The following TAF1A variants were observed in gnomAD, a reference collection of about 807,000 sequenced individuals.
The protein encoded by TAF1A is TATA-box binding protein associated factor, RNA polymerase I subunit A.
Under a neutral mutation model 61.6 loss-of-function variants are expected in TAF1A, and 42 were observed. The observed-to-expected ratio is 0.68, with a 90% CI of 0.53 to 0.88. The LOEUF (loss-of-function observed/expected upper bound fraction) is 0.88. Ranked by LOEUF, TAF1A falls within the 40% of genes least tolerant of loss-of-function variation. The probability of loss-of-function intolerance (pLI) is 0.00; values close to 1 mark genes in which losing one functional copy is unlikely to be tolerated. For missense variants in TAF1A, 424 were observed against 518.7 expected, an observed-to-expected ratio of 0.82 and a Z score of 1.77; for synonymous variants, 179 against 177.7, an observed-to-expected ratio of 1.01 and a Z score of -0.06.
chr1:222,575,732 T>C (rs1660545185), intron 5 of TAF1A, among the ~76,000 whole-genome samples: 1 of 152,190 alleles, frequency 6.6e-6, no homozygotes, highest in East Asian at 1.9e-4. Flanking sequence ...TCTCGTTAAA[T>C]AGACACTTGA....
intron 9 of TAF1A, 85 bp downstream of exon 9, chr1:222,563,083 TAAGCA>T: frequency 2.4e-6 from 3 of 1,250,126 alleles, no homozygotes; most frequent in Non-Finnish European, 3.3e-6. Flanking sequence ...TTATAAAACA[TAAGCA>T]AAGATCTTTA....
Position 222,584,308 on chromosome 1 carries a change from G to A in TAF1A, c.122-11C>T, listed in dbSNP as rs199986557. 106 of 1,566,546 alleles carry A rather than the reference G, an allele frequency of 6.8e-5. No homozygotes were observed. The African/African-American group carries it at 1.2e-3, about 17-fold the overall frequency. Reference sequence around the variant, plus strand: ...TTTTCCCTCCAATGGCTATAAAAACGAAAAAGAAGAGAGTTTTTATCCAAG... The same window carrying A: ...TTTTCCCTCCAATGGCTATAAAAACAAAAAAGAAGAGAGTTTTTATCCAAG... On this transcript the variant is annotated splice_polypyrimidine_tract_variant and intron_variant, in intron 2 of 10. Transcript: ENST00000352967.
At chr1:222,557,309 G>C (rs901557067), downstream of TAF1A, among the ~76,000 whole-genome samples, 1 of 152,142 alleles carries the variant, frequency 6.6e-6, no homozygotes, top group African/African-American at 2.4e-5. Flanking sequence ...CATGTTCCAG[G>C]AAAGTTGCTG....
At chr1:222,559,745 C>T in intron 10 of TAF1A, among the ~76,000 whole-genome samples, 1 of 151,962 alleles carries the variant, frequency 6.6e-6, no homozygotes, top group Non-Finnish European at 1.5e-5. Flanking sequence ...CTCCTGGGCT[C>T]AAGTAATCCT....
At chr1:222,571,551 T>A (rs1236585601) in intron 5 of TAF1A, among the ~76,000 whole-genome samples, 7 of 151,934 alleles carry the variant, frequency 4.6e-5, no homozygotes, top group Non-Finnish European at 1.0e-4. Flanking sequence ...ACAAGATCAA[T>A]ACACAATAAT....
chr1:222,564,833 T>A (rs189803602), intron 7 of TAF1A, among the ~76,000 whole-genome samples: 394 of 152,324 alleles, frequency 2.6e-3, no homozygotes, highest in Non-Finnish European at 4.1e-3. Flanking sequence ...AAATTAAAAG[T>A]AAATTTTGTT....
At chr1:222,580,958 C>T (rs1038933275) in intron 3 of TAF1A, among the ~76,000 whole-genome samples, 2 of 152,052 alleles carry the variant, frequency 1.3e-5, no homozygotes, top group African/African-American at 4.8e-5. Context: ...TGAGACCATC[C>T]TGGCTAACAC....
rs1248099690 is a variant in TAF1A at position 222,563,265 on chromosome 1, C to T, written c.993G>A (p.Glu331=). ...CAAAATCTAAGACTCCAAATAATAC[C>T]TCCAACCCCAGTTTACGGTGTTCTT... ...EKEEHRKLGL[E]VLFGVLDFAG... The change falls in exon 9 of 11, where the codon GAG becomes GAA. Residue 331 remains glutamate, a synonymous_variant. Transcript: ENST00000352967. 1.2e-6 allele frequency: 2 copies of T among 1,612,988 alleles called. No homozygotes were observed. Among genetic ancestry groups the T allele is most frequent in the Non-Finnish European group, 1.7e-6 (2 of 1,179,562 alleles).
downstream of TAF1A, among the ~76,000 whole-genome samples, chr1:222,554,945 C>T (rs1292771460): frequency 6.6e-6 from 1 of 152,130 alleles, no homozygotes; most frequent in African/African-American, 2.4e-5. Context: ...AGAACTCATA[C>T]AACTCAATAA....
At chr1:222,569,080 G>C (rs777054044) in intron 7 of TAF1A, 2 of 236,208 alleles carry the variant, frequency 8.5e-6, no homozygotes, top group African/African-American at 2.3e-5. Context: ...GGCCATGGTT[G>C]TGGGGACAGA....
Position 222,577,475 on chromosome 1 carries a change from A to C in TAF1A, c.574T>G (p.Ser192Ala). 1.2e-6 allele frequency: 2 copies of C among 1,613,878 alleles called. No individual in the cohort carries two copies. Among genetic ancestry groups the C allele is most frequent in the Non-Finnish European group, 1.7e-6 (2 of 1,179,858 alleles). The change falls in exon 5 of 11, where the codon TCT becomes GCT. Residue 192 changes from serine to alanine, a missense_variant. Physicochemically the swap from Ser to Ala is moderately conservative, Grantham distance 99. Coordinates refer to ENST00000352967, the MANE Select transcript of TAF1A (RefSeq NM_005681.4). ...TTTGACAATTCCATCTTCTTTTCAG[A>C]CCAGGTATAATACTGTAAAAGCCCT... ...YKGLLQYYTW[S>A]EKKMELSKLD...
chr1:222,584,794 A>G (rs1343831419), intron 2 of TAF1A, among the ~76,000 whole-genome samples: 2 of 152,210 alleles, frequency 1.3e-5, no homozygotes, highest in East Asian at 1.9e-4. Context: ...ATTAGCATTT[A>G]TATCTCTAAA....
At chr1:222,575,100 A>AAGAT (rs1660513372) in intron 5 of TAF1A, among the ~76,000 whole-genome samples, 1 of 152,226 alleles carries the variant, frequency 6.6e-6, no homozygotes, top group Admixed American at 6.5e-5. Context: ...TTAGAAGCAC[A>AAGAT]AGATACTGCA....
downstream of TAF1A, among the ~76,000 whole-genome samples, chr1:222,555,482 T>C (rs1466734086): frequency 1.3e-5 from 2 of 152,142 alleles, no homozygotes; most frequent in Non-Finnish European, 2.9e-5. Context: ...TACTGCACGA[T>C]CATCTCACTT....
chr1:222,570,489 C>T (rs1433159172), intron 6 of TAF1A, 46 bp downstream of exon 6: 1 of 1,557,050 alleles, frequency 6.4e-7, no homozygotes, highest in Admixed American at 1.8e-5. Flanking sequence ...TTTGTATAGG[C>T]TTTTGACAAA....
chr1:222,561,788 G>A (rs2102637732), intron 9 of TAF1A, among the ~76,000 whole-genome samples: 2 of 152,286 alleles, frequency 1.3e-5, no homozygotes, highest in Non-Finnish European at 2.9e-5. Context: ...CAGAATCCTG[G>A]ATTCAAATAT....
intron 10 of TAF1A, among the ~76,000 whole-genome samples, chr1:222,559,739 T>C (rs532689294): frequency 1.2e-3 from 177 of 152,172 alleles, no homozygotes; most frequent in African/African-American, 4.2e-3. Context: ...TTCAAACTCC[T>C]GGGCTCAAGT....
At chr1:222,564,019 G>T in intron 8 of TAF1A, 40 bp downstream of exon 8, 3 of 1,267,656 alleles carry the variant, frequency 2.4e-6, no homozygotes, top group Non-Finnish European at 3.4e-6. Context: ...CTAGTCTATA[G>T]CTTGTCTACA....
chr1:222,570,061 A>G (rs191109228), intron 6 of TAF1A, among the ~76,000 whole-genome samples: 1 of 152,352 alleles, frequency 6.6e-6, no homozygotes, highest in African/African-American at 2.4e-5. Flanking sequence ...CTTGCCACTC[A>G]TTAACTTTCA....
Sources: gnomAD v4.1 joint callset for allele counts (sites outside exome capture counted in the v4.1 genomes callset) on GRCh38, gnomAD v4.1.1 for gene constraint, MANE v1.5 for transcripts, NCBI Gene and HGNC (gene_info 2026-07-23, HGNC 2026-07-21) for gene names.